Variants in OR3A2 observed in about 807,000 individuals in gnomAD.
OR3A2 encodes the protein olfactory receptor 3A2.
For missense variants in OR3A2, 318 were observed against 392.8 expected (o/e 0.81, Z 1.61); for synonymous variants, 126 against 159.3 (o/e 0.79, Z 1.57).
In OR3A2 at chr17:3,278,031, CTG is replaced by C; in HGVS notation, c.885_886del (p.Arg296LysfsTer3). On this transcript the variant is annotated frameshift_variant, in exon 2 of 2. Coordinates refer to ENST00000642052, the Ensembl canonical transcript of OR3A2. LOFTEE classifies it low-confidence loss of function (END_TRUNC). ...CAGAGCACCCTGAACATCAGGGTTTCTGAGGCTGTAGATAAGAGGGTTCAGCA... is the reference window on the plus strand; with the variant it reads ...CAGAGCACCCTGAACATCAGGGTTTCAGGCTGTAGATAAGAGGGTTCAGCA... 6.2e-7 allele frequency: 1 copy of C among 1,610,654 alleles called. No individual in the cohort carries two copies. Among genetic ancestry groups the C allele is most frequent in the Non-Finnish European group, 8.5e-7 (1 of 1,177,048 alleles).
At chr17:3,286,986 G>T (rs2048818696), upstream of OR3A2, among the ~76,000 whole-genome samples, 2 of 152,158 alleles carry the variant, frequency 1.3e-5, no homozygotes, top group South Asian at 4.1e-4. Flanking sequence ...TGAAGTCCAT[G>T]CCCATGCCTA....
intron 2 of OR3A2, among the ~76,000 whole-genome samples, chr17:3,337,163 C>T (rs1597347643): frequency 6.6e-6 from 1 of 152,146 alleles, no homozygotes; most frequent in African/African-American, 2.4e-5. Flanking sequence ...ATATGCATAA[C>T]ATAAAATGTA....
At chr17:3,361,775 C>T (rs1309144853) in intron 2 of OR3A2, among the ~76,000 whole-genome samples, 2 of 151,604 alleles carry the variant, frequency 1.3e-5, no homozygotes, top group Non-Finnish European at 2.9e-5. Flanking sequence ...TCCAGTTGAT[C>T]GAGGTGGATA....
At chr17:3,276,924 CTT>C (rs1309962550), downstream of OR3A2, 10 of 134,706 alleles carry the variant, frequency 7.4e-5, no homozygotes, top group Admixed American at 1.5e-4. Context: ...CAGCAGGATT[CTT>C]TTTTTTTTTT....
At chr17:3,360,499 A>G (rs2049503690) in intron 2 of OR3A2, among the ~76,000 whole-genome samples, 1 of 151,748 alleles carries the variant, frequency 6.6e-6, no homozygotes, top group Non-Finnish European at 1.5e-5. Context: ...GCCCATGCCT[A>G]TGTCCTGAAT....
chr17:3,342,636 G>A (rs972558542), intron 2 of OR3A2, among the ~76,000 whole-genome samples: 5 of 152,148 alleles, frequency 3.3e-5, no homozygotes, highest in African/African-American at 7.2e-5. Flanking sequence ...ATTGCTGCCC[G>A]ATCCTTCCTC....
At chr17:3,383,763 G>A (rs2150670391) in intron 2 of OR3A2, 1 of 152,238 alleles carries the variant, frequency 6.6e-6, no homozygotes, top group East Asian at 1.9e-4. Context: ...GACAATGATA[G>A]AGAAGCAGCA....
chr17:3,381,231 T>C (rs2049733241), intron 2 of OR3A2, among the ~76,000 whole-genome samples: 1 of 152,066 alleles, frequency 6.6e-6, no homozygotes, highest in Non-Finnish European at 1.5e-5. Context: ...CCCTGTGCAC[T>C]TCCGTGTCTT....
At chr17:3,338,265 C>T (rs1294451113) in intron 2 of OR3A2, among the ~76,000 whole-genome samples, 3 of 152,102 alleles carry the variant, frequency 2.0e-5, no homozygotes, top group Non-Finnish European at 2.9e-5. Context: ...TGCAGAAGCT[C>T]TTCAGTTTAA....
intron 2 of OR3A2, among the ~76,000 whole-genome samples, chr17:3,376,195 G>A (rs1189170624): frequency 6.6e-6 from 1 of 152,230 alleles, no homozygotes; most frequent in East Asian, 1.9e-4. Context: ...TGTTCCTTAT[G>A]AGTTGCTGTA....
intron 3 of OR3A2, among the ~76,000 whole-genome samples, chr17:3,327,481 A>C (rs977499087): frequency 1.5e-5 from 2 of 133,690 alleles, no homozygotes; most frequent in African/African-American, 6.1e-5. Flanking sequence ...AGTAGGTTGC[A>C]AAAGTTTTCT....
chr17:3,360,361 G>A (rs1355918823), intron 2 of OR3A2, among the ~76,000 whole-genome samples: 3 of 151,628 alleles, frequency 2.0e-5, no homozygotes, highest in Non-Finnish European at 4.4e-5. Context: ...CTCCTATTCT[G>A]TAGGTTGCCT....
chr17:3,347,714 T>A lies in OR3A2; in HGVS notation c.-178-11588A>T, dbSNP rs189793024. Reference sequence around the variant, plus strand: ...ATGCCGCAATAAACATACGTGTGCATGTGTCTTTATAGAAGCATGATTTAT... The same window carrying A: ...ATGCCGCAATAAACATACGTGTGCAAGTGTCTTTATAGAAGCATGATTTAT... On this transcript the variant is annotated intron_variant, in intron 2 of 4. Transcript: ENST00000573491. Among the ~76,000 whole-genome samples, 865 of 152,326 alleles carry A rather than the reference T, an allele frequency of 5.7e-3. 8 individuals carry two copies. The highest frequency in any genetic ancestry group is 0.019 in the African/African-American group (804 of 41,570).
exon 2 of OR3A2, chr17:3,278,141 G>C: frequency 6.2e-7 from 1 of 1,614,236 alleles, no homozygotes. Context: ...TGTAGTTGAA[G>C]ATACCTCTTC....
chr17:3,316,875 T>A (rs930580770), intron 3 of OR3A2, among the ~76,000 whole-genome samples: 1 of 152,212 alleles, frequency 6.6e-6, no homozygotes, highest in East Asian at 1.9e-4. Flanking sequence ...ACAGAATATA[T>A]GGAGATCAAA....
chr17:3,357,603 G>A (rs751986866), intron 2 of OR3A2, among the ~76,000 whole-genome samples: 2 of 151,624 alleles, frequency 1.3e-5, no homozygotes, highest in Non-Finnish European at 2.9e-5. Flanking sequence ...AGTTTCAATT[G>A]GGGAGGATGA....
chr17:3,351,752 T>C (rs1180432524), intron 2 of OR3A2, among the ~76,000 whole-genome samples: 3 of 151,942 alleles, frequency 2.0e-5, no homozygotes, highest in Non-Finnish European at 2.9e-5. Context: ...AGAACAAAGC[T>C]GGAGGCATCA....
chr17:3,296,892 T>C (rs1597324871), intron 3 of OR3A2, among the ~76,000 whole-genome samples: 1 of 152,366 alleles, frequency 6.6e-6, no homozygotes, highest in Middle Eastern at 3.4e-3. Context: ...TTTTTTCCAA[T>C]GTTACTTGAC....
chr17:3,363,499 C>T (rs1372994056), intron 2 of OR3A2, among the ~76,000 whole-genome samples: 1 of 151,740 alleles, frequency 6.6e-6, no homozygotes, highest in Non-Finnish European at 1.5e-5. Context: ...CTGTCCATAT[C>T]ACTGTCAGCA....
Sources: allele counts gnomAD v4.1 joint callset (sites outside exome capture counted in the v4.1 genomes callset), GRCh38; gene constraint gnomAD v4.1.1; transcripts MANE v1.5; gene names NCBI Gene and HGNC (gene_info 2026-07-23, HGNC 2026-07-21).